RBFOX1: variants seen among roughly 807,000 people sequenced by gnomAD.
RBFOX1 encodes the protein RNA binding fox-1 homolog 1.
A neutral mutation model predicts 57.7 loss-of-function variants in RBFOX1; 8 were observed. The ratio of observed to expected loss-of-function variants is 0.14; its 90% CI spans 0.08 to 0.25. RBFOX1 has a LOEUF of 0.25. Among genes scored for constraint, RBFOX1 ranks in the 10% least tolerant of loss-of-function variants. The pLI is 1.00. For synonymous variants in RBFOX1, 326 were observed against 222.4 expected, an observed-to-expected ratio of 1.47 and a Z score of -4.15; for missense variants, 611 against 548.5, an observed-to-expected ratio of 1.11 and a Z score of -1.14.
intron 3 of RBFOX1, among the ~76,000 whole-genome samples, chr16:5,687,139 A>AT (rs1291209279): frequency 6.6e-6 from 1 of 152,186 alleles, no homozygotes; most frequent in Non-Finnish European, 1.5e-5. Flanking sequence ...TTTTATAGCA[A>AT]TGCAAAATGG....
intron 2 of RBFOX1, among the ~76,000 whole-genome samples, chr16:6,380,643 C>T (rs2091718021): frequency 1.3e-5 from 2 of 151,550 alleles, no homozygotes; most frequent in South Asian, 2.1e-4. Flanking sequence ...TTCTTCTTTT[C>T]CTCTGACATG....
Position 6,846,925 on chromosome 16 carries a change from A to G in RBFOX1, c.-16+192275A>G, listed in dbSNP as rs141177749. Among the ~76,000 whole-genome samples, 593 of 152,128 alleles carry G rather than the reference A, an allele frequency of 3.9e-3. 5 individuals carry two copies. The highest frequency in any genetic ancestry group is 0.02 in the Middle Eastern group (6 of 294). Reference sequence around the variant, plus strand: ...CTCTAAATTACCCTAGGAAACAAAAAAAAAAAGAGGTGATGGCTACAGTTT... The same window carrying G: ...CTCTAAATTACCCTAGGAAACAAAAGAAAAAAGAGGTGATGGCTACAGTTT... On this transcript the variant is annotated intron_variant, in intron 3 of 15. Coordinates refer to ENST00000550418, the MANE Select transcript of RBFOX1 (RefSeq NM_018723.4).
At chr16:6,778,727 C>T (rs8056194) in intron 3 of RBFOX1, among the ~76,000 whole-genome samples, 51,902 of 151,754 alleles carry the variant, frequency 0.34, 9,740 homozygotes, top group Non-Finnish European at 0.42. Context: ...AGATTGTCTT[C>T]CTGAGTCTTT....
intron 1 of RBFOX1, among the ~76,000 whole-genome samples, chr16:6,261,698 A>G (rs1447044795): frequency 6.6e-6 from 1 of 152,134 alleles, no homozygotes; most frequent in Non-Finnish European, 1.5e-5. Context: ...TTAAAAGTTA[A>G]AAGTAGGCTT....
At chr16:7,650,566 CCTCTCT>C (rs34381792) in intron 11 of RBFOX1, among the ~76,000 whole-genome samples, 1 of 151,620 alleles carries the variant, frequency 6.6e-6, no homozygotes, top group Non-Finnish European at 1.5e-5. Flanking sequence ...CACGTGCTCC[CCTCTCT>C]CTCTCTTGCC....
At chr16:6,774,019 C>A in intron 3 of RBFOX1, 13 of 985,120 alleles carry the variant, frequency 1.3e-5, no homozygotes, top group Non-Finnish European at 1.6e-5. Context: ...ACCAGGTAAT[C>A]ACAGTTTGCT....
At chr16:6,029,872 A>C (rs1486745640) in intron 1 of RBFOX1, among the ~76,000 whole-genome samples, 1 of 151,770 alleles carries the variant, frequency 6.6e-6, no homozygotes, top group East Asian at 1.9e-4. Context: ...AGGACAAGCG[A>C]GCTATGAAGA....
At chr16:6,769,144 G>C (rs1301851771) in intron 3 of RBFOX1, among the ~76,000 whole-genome samples, 1 of 152,166 alleles carries the variant, frequency 6.6e-6, no homozygotes, top group African/African-American at 2.4e-5. Flanking sequence ...TTGAATAATG[G>C]AGGCAGGTCA....
intron 2 of RBFOX1, among the ~76,000 whole-genome samples, chr16:6,508,560 C>T (rs900119596): frequency 2.0e-5 from 3 of 152,134 alleles, no homozygotes; most frequent in East Asian, 1.9e-4. Flanking sequence ...TGACTGTTGT[C>T]TATAAGGTCC....
In RBFOX1 at chr16:5,983,045, C is replaced by T. The variant is rs1398898836; in HGVS notation, c.351+115710C>T. On this transcript the variant is annotated intron_variant, in intron 4 of 19. Coordinates refer to the RBFOX1 transcript ENST00000641259. ...TCACACAGACCGCCTCTAAGTCATC[C>T]CAGCGCTGATGTCTGCAGCTCTGAC... 1.4e-4 allele frequency among the ~76,000 whole-genome samples: 21 copies of T among 152,176 alleles called. 1 individual carries two copies. Among genetic ancestry groups the T allele is most frequent in the Non-Finnish European group, 3.1e-4 (21 of 68,038 alleles).
At chr16:7,466,702 C>T (rs1365493088) in intron 4 of RBFOX1, among the ~76,000 whole-genome samples, 1 of 152,236 alleles carries the variant, frequency 6.6e-6, no homozygotes, top group African/African-American at 2.4e-5. Context: ...GTGACGCTTA[C>T]CTGCATGAAT....
At chr16:7,120,790 C>A (rs541696434) in intron 4 of RBFOX1, among the ~76,000 whole-genome samples, 1 of 115,008 alleles carries the variant, frequency 8.7e-6, no homozygotes, top group African/African-American at 3.1e-5. Flanking sequence ...TAATCTGATA[C>A]GAAAACCAGG....
At chr16:7,123,831 G>T (rs1290199362) in intron 4 of RBFOX1, among the ~76,000 whole-genome samples, 1 of 152,108 alleles carries the variant, frequency 6.6e-6, no homozygotes, top group African/African-American at 2.4e-5. Flanking sequence ...AAGAAGAAGG[G>T]TTTTGCACGA....
intron 4 of RBFOX1, among the ~76,000 whole-genome samples, chr16:7,154,963 G>A (rs1601253067): frequency 6.6e-6 from 1 of 152,212 alleles, no homozygotes; most frequent in East Asian, 1.9e-4. Context: ...TTAAATAACT[G>A]TATCCTCAGA....
intron 4 of RBFOX1, among the ~76,000 whole-genome samples, chr16:7,360,072 CA>C (rs1720842487): frequency 1.3e-5 from 2 of 151,996 alleles, no homozygotes; most frequent in Admixed American, 6.6e-5. Flanking sequence ...ATAGTTGAAA[CA>C]ACTTAAATAT....
At chr16:7,083,542 A>G (rs146102874) in intron 4 of RBFOX1, among the ~76,000 whole-genome samples, 199 of 152,260 alleles carry the variant, frequency 1.3e-3, no homozygotes, top group East Asian at 8.1e-3. Flanking sequence ...CTCACCGTGG[A>G]TCAAATGGGT....
intron 4 of RBFOX1, among the ~76,000 whole-genome samples, chr16:7,449,199 G>T (rs1259299121): frequency 6.6e-6 from 1 of 152,006 alleles, no homozygotes; most frequent in East Asian, 1.9e-4. Context: ...AAAGTGCTGG[G>T]ATTACAGGCG....
chr16:6,419,271 G>A (rs868348051), intron 2 of RBFOX1, among the ~76,000 whole-genome samples: 5 of 152,030 alleles, frequency 3.3e-5, no homozygotes, highest in Non-Finnish European at 7.4e-5. Context: ...CTGTGGTATC[G>A]TATTGCAGAG....
At chr16:5,404,030 G>A (rs558415217) in intron 1 of RBFOX1, among the ~76,000 whole-genome samples, 4 of 145,746 alleles carry the variant, frequency 2.7e-5, no homozygotes, top group African/African-American at 1.0e-4. Context: ...GTTTGGTGCA[G>A]AGGACAGAAT....
Sources: allele counts gnomAD v4.1 joint callset (sites outside exome capture counted in the v4.1 genomes callset), GRCh38; gene constraint gnomAD v4.1.1; transcripts MANE v1.5; gene names NCBI Gene and HGNC (gene_info 2026-07-23, HGNC 2026-07-21).